The following ZMYM4 variants were observed in gnomAD, a reference collection of about 807,000 sequenced individuals.
The protein encoded by ZMYM4 is zinc finger MYM-type protein 4.
In ZMYM4, 31 loss-of-function variants were observed where a neutral mutation model predicts 183.2. The ratio of observed to expected loss-of-function variants is 0.17; its 90% CI spans 0.13 to 0.23. The LOEUF is 0.23. Ranked by LOEUF, ZMYM4 falls within the 10% of genes least tolerant of loss-of-function variation. The pLI is 1.00. For missense variants in ZMYM4, 1,273 were observed against 1,840.3 expected, an observed-to-expected ratio of 0.69 and a Z score of 5.64; for synonymous variants, 592 against 631.2, an observed-to-expected ratio of 0.94 and a Z score of 0.93.
intron 2 of ZMYM4, among the ~76,000 whole-genome samples, chr1:35,343,662 CGA>C (rs918029620): frequency 2.6e-5 from 4 of 152,034 alleles, no homozygotes; most frequent in Admixed American, 2.6e-4. Flanking sequence ...GTCAGGAGTT[CGA>C]GACCAGCCTG....
chr1:35,399,000 A>C lies in ZMYM4; in HGVS notation c.3390A>C (p.Ser1130=), dbSNP rs2149008964. 1 of 1,614,166 alleles carries C rather than the reference A, an allele frequency of 6.2e-7. No homozygotes were observed. The highest frequency in any genetic ancestry group is 8.5e-7 in the Non-Finnish European group (1 of 1,179,996). Reference sequence around the variant, plus strand: ...CTGATTCAGAATTGAAGCAGTTCTCAAAAGGGGAAACTGAACAGGACCTGG... The same window carrying C: ...CTGATTCAGAATTGAAGCAGTTCTCCAAAGGGGAAACTGAACAGGACCTGG... ...QEADSELKQF[S]KGETEQDLEA... The change falls in exon 22 of 30, where the codon TCA becomes TCC. Residue 1130 remains serine, a synonymous_variant. Transcript: ENST00000314607.
intron 2 of ZMYM4, among the ~76,000 whole-genome samples, chr1:35,356,141 C>T (rs866655035): frequency 6.6e-6 from 1 of 152,078 alleles, no homozygotes; most frequent in South Asian, 2.1e-4. Flanking sequence ...GTCCTGGAGG[C>T]GGAGGTTGTA....
rs546443070 is a variant in ZMYM4 at position 35,392,956 on chromosome 1, A to G, written c.2766+272A>G. 6.6e-5 allele frequency among the ~76,000 whole-genome samples: 10 copies of G among 152,314 alleles called. No homozygotes were observed. The South Asian group carries it at 2.1e-3, about 32-fold the overall frequency. Reference sequence around the variant, plus strand: ...AAATTGTACAGGATTTAGGCCTGAAAGACTTTTGGATGTTTTGTGATGTAC... The same window carrying G: ...AAATTGTACAGGATTTAGGCCTGAAGGACTTTTGGATGTTTTGTGATGTAC... On this transcript the variant is annotated intron_variant, in intron 17 of 29. Transcript: ENST00000314607.
At chr1:35,366,037 T>C (rs185573113) in intron 5 of ZMYM4, 30 of 152,292 alleles carry the variant, frequency 2.0e-4, no homozygotes, top group African/African-American at 7.2e-4. Flanking sequence ...CTGCAGACCG[T>C]TAATGTATGC....
In ZMYM4 at chr1:35,397,480, C is replaced by T; in HGVS notation, c.3134C>T (p.Ala1045Val). The T allele has an allele frequency of 6.2e-7, 1 of 1,613,488 alleles. No individual in the cohort carries two copies. ...AAGCTTCCCACACATCCATTTGAAG[C>T]TGATCTCCTTGAGATGGCAGAAATG... ...KEKLPTHPFE[A>V]DLLEMAEMIA... The change falls in exon 20 of 30, where the codon GCT (alanine) becomes GTT (valine). Residue 1045 changes from alanine (A) to valine (V), a missense_variant. Around this residue, in one of 6 missense-constraint regions of ZMYM4, gnomAD observed 290 missense variants for 353.3 expected, o/e 0.82. Transcript: ENST00000314607.
intron 1 of ZMYM4, among the ~76,000 whole-genome samples, chr1:35,314,041 T>G (rs1353291888): frequency 6.6e-6 from 1 of 152,152 alleles, no homozygotes; most frequent in African/African-American, 2.4e-5. Flanking sequence ...AAGGTTTTTA[T>G]TTTTACCTTA....
At chr1:35,382,280 A>G (rs552312852) in intron 9 of ZMYM4, among the ~76,000 whole-genome samples, 55 of 150,834 alleles carry the variant, frequency 3.6e-4, no homozygotes, top group Admixed American at 1.1e-3. Flanking sequence ...ATATATGTAT[A>G]TATACATATA....
chr1:35,277,857 C>G (rs1639949001), intron 1 of ZMYM4, among the ~76,000 whole-genome samples: 1 of 152,160 alleles, frequency 6.6e-6, no homozygotes, highest in South Asian at 2.1e-4. Flanking sequence ...ATTAGGAACT[C>G]ATGAGTTTTA....
chr1:35,287,221 T>G (rs1181638386), intron 1 of ZMYM4, among the ~76,000 whole-genome samples: 2 of 148,952 alleles, frequency 1.3e-5, no homozygotes, highest in Non-Finnish European at 3.0e-5. Flanking sequence ...TTACTTAATT[T>G]TTTTTTTTTT....
At chr1:35,323,202 A>G (rs750170619) in intron 1 of ZMYM4, among the ~76,000 whole-genome samples, 51 of 151,864 alleles carry the variant, frequency 3.4e-4, no homozygotes, top group Non-Finnish European at 4.9e-4. Flanking sequence ...GGTTTTTGCC[A>G]TGTTGGCCAG....
intron 2 of ZMYM4, among the ~76,000 whole-genome samples, chr1:35,327,146 C>G (rs1163365174): frequency 1.3e-5 from 2 of 152,218 alleles, no homozygotes; most frequent in African/African-American, 4.8e-5. Context: ...CAGGCGTGAG[C>G]CACAGCGCCC....
At chr1:35,287,267 A>G (rs932248868) in intron 1 of ZMYM4, among the ~76,000 whole-genome samples, 1 of 145,976 alleles carries the variant, frequency 6.9e-6, no homozygotes, top group Admixed American at 6.9e-5. Flanking sequence ...GGGTCTTGCT[A>G]TATTACCCAG....
intron 2 of ZMYM4, among the ~76,000 whole-genome samples, chr1:35,357,182 G>T (rs527937556): frequency 1.3e-5 from 2 of 152,196 alleles, no homozygotes; most frequent in African/African-American, 4.8e-5. Flanking sequence ...GAGCCACTGT[G>T]CCTGGTCCAG....
At position 35,420,451 on chromosome 1, in the gene ZMYM4, T is replaced by C. The variant is rs1640287324; in HGVS notation, c.*774T>C. 6.6e-6 allele frequency: 1 copy of C among 152,436 alleles called. No individual in the cohort carries two copies. Among genetic ancestry groups the C allele is most frequent in the South Asian group, 2.1e-4 (1 of 4,826 alleles). 9.4% of individuals were successfully genotyped at this position (152,436 alleles called of 1,614,324 possible). A position where few individuals can be genotyped will look rare whatever the true frequency, so the allele number is the denominator to read the frequency against. Reference sequence around the variant, plus strand: ...CTATCAGACCCCAAGTGTCTTGAAATGTTTGTAGAAACCCACTAAAATGCC... The same window carrying C: ...CTATCAGACCCCAAGTGTCTTGAAACGTTTGTAGAAACCCACTAAAATGCC... On this transcript the variant is annotated 3_prime_UTR_variant, in exon 30 of 30. Transcript: ENST00000314607.
chr1:35,395,129 TC>T (rs2149000175), intron 18 of ZMYM4, among the ~76,000 whole-genome samples: 1 of 151,902 alleles, frequency 6.6e-6, no homozygotes, highest in East Asian at 1.9e-4. Context: ...TCTTATAAGC[TC>T]CCAGGTAAAG....
intron 1 of ZMYM4, among the ~76,000 whole-genome samples, chr1:35,314,446 G>T (rs1357558374): frequency 6.6e-6 from 1 of 151,328 alleles, no homozygotes; most frequent in African/African-American, 2.4e-5. Context: ...CACCACACCC[G>T]GCTAATTTTT....
At chr1:35,275,894 G>A (rs1420719768) in intron 1 of ZMYM4, among the ~76,000 whole-genome samples, 1 of 152,130 alleles carries the variant, frequency 6.6e-6, no homozygotes, top group East Asian at 1.9e-4. Flanking sequence ...GGTAGTAATA[G>A]TTCTTATCCA....
intron 29 of ZMYM4, 42 bp downstream of exon 29, chr1:35,418,614 G>A (rs756810520): frequency 1.2e-6 from 2 of 1,603,400 alleles, no homozygotes; most frequent in South Asian, 2.3e-5. Flanking sequence ...TCAGAAGGCA[G>A]TTAACATATT....
Position 35,274,281 on chromosome 1 carries a change from A to G in ZMYM4, c.39+5196A>G, listed in dbSNP as rs78130072. On this transcript the variant is annotated intron_variant, in intron 1 of 29. Transcript: ENST00000314607. ...CTGCATTGTTTTCACACTGCTTCCC[A>G]TCTTGTAACACACAGAGGGATCTGT... Among the ~76,000 whole-genome samples, 22 of 152,268 alleles carry G rather than the reference A, an allele frequency of 1.4e-4. No homozygotes were observed. In the East Asian group the frequency reaches 4.2e-3, roughly 29 times the overall value.
Sources: allele counts gnomAD v4.1 joint callset (sites outside exome capture counted in the v4.1 genomes callset), GRCh38; gene constraint gnomAD v4.1.1; regional missense constraint gnomAD v4.1.1; transcripts MANE v1.5; gene names NCBI Gene and HGNC (gene_info 2026-07-23, HGNC 2026-07-21).